AVL9: variants seen among roughly 807,000 people sequenced by gnomAD.
AVL9 encodes AVL9 cell migration associated.
A neutral mutation model predicts 79.2 loss-of-function variants in AVL9; 49 were observed. The observed-to-expected ratio is 0.62, with a 90% confidence interval of 0.49 to 0.79. AVL9 has a LOEUF of 0.79. Ranked by LOEUF, AVL9 falls within the 30% of genes least tolerant of loss-of-function variation. The probability of loss-of-function intolerance (pLI) is 0.00; values close to 1 mark genes in which losing one functional copy is unlikely to be tolerated. For synonymous variants in AVL9, 299 were observed against 280.6 expected (o/e 1.07, Z -0.65); for missense variants, 682 against 776.8 (o/e 0.88, Z 1.45).
chr7:32,542,184 CTTTT>C (rs113254142), intron 1 of AVL9, among the ~76,000 whole-genome samples: 4 of 138,128 alleles, frequency 2.9e-5, no homozygotes, highest in Admixed American at 7.2e-5. Flanking sequence ...TTTTACAGTC[CTTTT>C]TTTTTTTTTT....
At position 32,526,818 on chromosome 7, in the gene AVL9, C is replaced by T. The variant is rs986905815; in HGVS notation, c.94-16323C>T. On this transcript the variant is annotated intron_variant, in intron 1 of 15. Transcript: ENST00000318709. ...AATAAAAAGGGAAACAGGAACCCTC[C>T]GCAGAGCGAAAGAGAGTCCCAATAG... is the stretch of plus-strand genomic sequence containing the variant. 3.9e-5 allele frequency among the ~76,000 whole-genome samples: 6 copies of T among 152,050 alleles called. No homozygotes were observed. In the East Asian group the frequency reaches 5.8e-4, roughly 15 times the overall value.
At chr7:32,569,942 A>G in intron 10 of AVL9, 78 bp from the exon 11 acceptor site, 3 of 1,420,734 alleles carry the variant, frequency 2.1e-6, no homozygotes, top group South Asian at 1.2e-5. Context: ...TTCTTTTCCT[A>G]CTGTTAGCTC....
intron 4 of AVL9, among the ~76,000 whole-genome samples, chr7:32,550,969 T>A (rs540148538): frequency 6.6e-6 from 1 of 152,208 alleles, no homozygotes; most frequent in Non-Finnish European, 1.5e-5. Context: ...CAAGTGCTTT[T>A]ACCTGTTATT....
intron 1 of AVL9, among the ~76,000 whole-genome samples, chr7:32,518,803 A>C (rs1319292415): frequency 6.6e-6 from 1 of 152,216 alleles, no homozygotes; most frequent in Admixed American, 6.5e-5. Context: ...TTAATTGACT[A>C]TAATGAAATT....
chr7:32,580,855 C>G lies in AVL9; in HGVS notation c.1796C>G (p.Thr599Ser), dbSNP rs758901012. ...GKKIGNVMVT[T>S]SRNVVQTGKA... ...AAAATTGGAAACGTCATGGTCACAA[C>G]TAGCCGGAATGTTGTACAAACAGGA... The change falls in exon 15 of 16, where the codon ACT (threonine) becomes AGT (serine). Residue 599 changes from threonine (T) to serine (S), a missense_variant. By Grantham distance (58) the Thr-to-Ser change is moderately conservative. Coordinates refer to ENST00000318709, the MANE Select transcript of AVL9 (RefSeq NM_015060.3). 3 of 1,613,910 alleles carry G rather than the reference C, an allele frequency of 1.9e-6. No homozygotes were observed. In the South Asian group the frequency reaches 3.3e-5, roughly 18 times the overall value.
chr7:32,517,596 G>T (rs1486203679), intron 1 of AVL9, among the ~76,000 whole-genome samples: 1 of 151,994 alleles, frequency 6.6e-6, no homozygotes, highest in Non-Finnish European at 1.5e-5. Flanking sequence ...TAGCCACCAC[G>T]CCTGGCTGAC....
chr7:32,535,570 A>G (rs1322304367), intron 1 of AVL9: 1 of 152,116 alleles, frequency 6.6e-6, no homozygotes, highest in Non-Finnish European at 1.5e-5. Context: ...AGCTCTCTCA[A>G]CTTCTTGTTC....
chr7:32,535,304 C>T (rs1253296895), intron 1 of AVL9: 4 of 152,180 alleles, frequency 2.6e-5, no homozygotes, highest in Non-Finnish European at 5.9e-5. Context: ...CAGACCAAAC[C>T]AAGTTAGAGG....
chr7:32,504,481 C>G (rs1260984425), intron 1 of AVL9, among the ~76,000 whole-genome samples: 1 of 152,128 alleles, frequency 6.6e-6, no homozygotes, highest in Non-Finnish European at 1.5e-5. Context: ...GATAAATTCT[C>G]TCTTATCTCT....
intron 11 of AVL9, among the ~76,000 whole-genome samples, chr7:32,571,213 CAG>C (rs1409667370): frequency 8.4e-6 from 1 of 119,704 alleles, no homozygotes; most frequent in Non-Finnish European, 1.7e-5. Flanking sequence ...GCCTGGGTGA[CAG>C]AGTGACCCTG....
At chr7:32,545,590 G>A (rs909295505) in intron 3 of AVL9, among the ~76,000 whole-genome samples, 6 of 151,700 alleles carry the variant, frequency 4.0e-5, no homozygotes, top group Non-Finnish European at 5.9e-5. Context: ...GGTTGGTCTC[G>A]AACTCCTGAG....
intron 1 of AVL9, among the ~76,000 whole-genome samples, chr7:32,496,318 C>T (rs148198548): frequency 4.9e-4 from 75 of 152,334 alleles, no homozygotes; most frequent in African/African-American, 1.7e-3. Context: ...GCCTTGGAAT[C>T]TCTCCTGTTA....
chr7:32,543,452 G>T (rs1278633728), intron 2 of AVL9, among the ~76,000 whole-genome samples, 191 bp downstream of exon 2: 2 of 152,146 alleles, frequency 1.3e-5, no homozygotes, highest in African/African-American at 4.8e-5. Flanking sequence ...GCTTACATTG[G>T]CTGTGGCTGG....
intron 3 of AVL9, among the ~76,000 whole-genome samples, chr7:32,548,334 G>A (rs1237865915): frequency 6.6e-6 from 1 of 151,948 alleles, no homozygotes; most frequent in African/African-American, 2.4e-5. Flanking sequence ...TTTTAGTAGA[G>A]ATGGGGTTTC....
At chr7:32,521,607 A>C (rs1266304611) in intron 1 of AVL9, among the ~76,000 whole-genome samples, 1 of 152,236 alleles carries the variant, frequency 6.6e-6, no homozygotes, top group African/African-American at 2.4e-5. Context: ...GAAGCAGAGC[A>C]TAAAAGTTTG....
chr7:32,558,193 T>G (rs1790168024), intron 8 of AVL9, among the ~76,000 whole-genome samples: 1 of 149,252 alleles, frequency 6.7e-6, no homozygotes, highest in Non-Finnish European at 1.5e-5. Flanking sequence ...AGAGTCTCGC[T>G]CTCTAGCCAG....
chr7:32,569,942 A>C (rs1790750734), intron 10 of AVL9, 78 bp from the exon 11 acceptor site: 4 of 1,420,724 alleles, frequency 2.8e-6, no homozygotes, highest in Non-Finnish European at 3.9e-6. Context: ...TTCTTTTCCT[A>C]CTGTTAGCTC....
chr7:32,579,339 C>G (rs1401822820), intron 13 of AVL9, among the ~76,000 whole-genome samples: 304 of 8,434 alleles, frequency 0.036, 2 homozygotes, highest in African/African-American at 0.085. Flanking sequence ...ATATATATAA[C>G]ACATATTTTA....
intron 1 of AVL9, among the ~76,000 whole-genome samples, chr7:32,520,934 C>A (rs1788114590): frequency 6.6e-6 from 1 of 152,140 alleles, no homozygotes; most frequent in African/African-American, 2.4e-5. Context: ...CTTTCCCATG[C>A]TATTCTCGTG....
Sources: gnomAD v4.1 joint callset for allele counts (sites outside exome capture counted in the v4.1 genomes callset) on GRCh38, gnomAD v4.1.1 for gene constraint, MANE v1.5 for transcripts, NCBI Gene and HGNC (gene_info 2026-07-23, HGNC 2026-07-21) for gene names.